The following ADGRL4 variants were observed in gnomAD, a reference collection of about 807,000 sequenced individuals.
The protein encoded by ADGRL4 is EGF, latrophilin and seven transmembrane domain containing 1.
Under a neutral mutation model 74.8 loss-of-function variants are expected in ADGRL4, and 90 were observed. That is an observed-to-expected ratio of 1.20 (90% confidence interval 1.02 to 1.43). ADGRL4 has a LOEUF of 1.43. ADGRL4 is among the 40% of genes most tolerant of loss of function. ADGRL4 has a pLI of 0.00. For synonymous variants in ADGRL4, 311 were observed against 279.2 expected, an observed-to-expected ratio of 1.11 and a Z score of -1.14; for missense variants, 881 against 814.3, an observed-to-expected ratio of 1.08 and a Z score of -1.00.
At chr1:78,906,287 AG>A (rs369392534) in intron 12 of ADGRL4, among the ~76,000 whole-genome samples, 30 of 152,164 alleles carry the variant, frequency 2.0e-4, no homozygotes, top group African/African-American at 7.2e-4. Flanking sequence ...TAATCATTTT[AG>A]GCATTAAAAT....
intron 2 of ADGRL4, among the ~76,000 whole-genome samples, chr1:78,949,424 A>G (rs1557509309): frequency 6.6e-6 from 1 of 152,260 alleles, no homozygotes; most frequent in East Asian, 1.9e-4. Flanking sequence ...ATATTTCCTT[A>G]TCTATCTCCC....
intron 2 of ADGRL4, among the ~76,000 whole-genome samples, chr1:78,951,007 C>CA (rs1293864307): frequency 6.6e-6 from 1 of 152,138 alleles, no homozygotes; most frequent in African/African-American, 2.4e-5. Flanking sequence ...ATTGTCTATT[C>CA]ATGAGAGAAA....
intron 2 of ADGRL4, among the ~76,000 whole-genome samples, chr1:78,951,799 A>T (rs1649728484): frequency 6.6e-6 from 1 of 152,200 alleles, no homozygotes; most frequent in Non-Finnish European, 1.5e-5. Context: ...GACTCCAAAG[A>T]CAAAGTTATT....
intron 12 of ADGRL4, among the ~76,000 whole-genome samples, chr1:78,910,681 T>C (rs1648744845): frequency 6.6e-6 from 1 of 151,780 alleles, no homozygotes; most frequent in Admixed American, 6.6e-5. Flanking sequence ...AGATTAAAAA[T>C]ATTGAATGAA....
intron 2 of ADGRL4, among the ~76,000 whole-genome samples, chr1:78,970,713 G>A (rs1354743209): frequency 1.3e-5 from 2 of 151,996 alleles, no homozygotes; most frequent in Non-Finnish European, 2.9e-5. Context: ...TGAACCCCTG[G>A]GACTCCATTG....
intron 2 of ADGRL4, among the ~76,000 whole-genome samples, chr1:78,994,360 G>A (rs12029674): frequency 0.44 from 66,885 of 151,880 alleles, 14,796 homozygotes; most frequent in East Asian, 0.59. Context: ...ATTCTTGCAA[G>A]CAGAAATACC....
At position 79,006,634 on chromosome 1, in the gene ADGRL4, T is replaced by C. The variant is rs1650968436; in HGVS notation, c.21A>G (p.Leu7=). ...CGACCAGGGGCGCTGAGCACTCACCTAGGAGCGGGAGGCGTTTCATTGGCG... is the reference window on the plus strand; with the variant it reads ...CGACCAGGGGCGCTGAGCACTCACCCAGGAGCGGGAGGCGTTTCATTGGCG... MKRLPL[L]VVFSTLLNCS... The change falls in exon 1 of 15, where the codon CTA becomes CTG. Residue 7 remains leucine, a splice_region_variant and synonymous_variant. Coordinates refer to ENST00000370742, the MANE Select transcript of ADGRL4 (RefSeq NM_022159.4). 6.6e-7 allele frequency: 1 copy of C among 1,525,254 alleles called. No individual in the cohort carries two copies. Among genetic ancestry groups the C allele is most frequent in the South Asian group, 1.2e-5 (1 of 81,684 alleles). 94.5% of individuals were successfully genotyped at this position (1,525,254 alleles called of 1,614,324 possible).
At position 78,918,063 on chromosome 1, in the gene ADGRL4, G is replaced by GAAA; in HGVS notation, c.1462-16_1462-14dup. On this transcript the variant is annotated splice_polypyrimidine_tract_variant and intron_variant, in intron 10 of 14. Transcript: ENST00000370742. ...TTGAACAGAAGAGCTAGAAATCAAAGAAAAAAAAAAAAACATTGTCAGTGT... is the reference window on the plus strand; with the variant it reads ...TTGAACAGAAGAGCTAGAAATCAAAGAAAAAAAAAAAAAAAACATTGTCAGTGT... 3.3e-5 allele frequency: 39 copies of GAAA among 1,175,578 alleles called. No individual in the cohort carries two copies. Among genetic ancestry groups the GAAA allele is most frequent in the Middle Eastern group, 2.3e-4 (1 of 4,424 alleles). 72.8% of individuals were successfully genotyped at this position (1,175,578 alleles called of 1,614,324 possible). A position where few individuals can be genotyped will look rare whatever the true frequency, so the allele number is the denominator to read the frequency against.
intron 3 of ADGRL4, among the ~76,000 whole-genome samples, chr1:78,942,763 T>C (rs1251697616): frequency 6.6e-6 from 1 of 152,028 alleles, no homozygotes. Context: ...AACCTGTCTC[T>C]ACTAAAAAAA....
chr1:78,990,272 A>G (rs1465055393), intron 2 of ADGRL4, among the ~76,000 whole-genome samples: 1 of 151,892 alleles, frequency 6.6e-6, no homozygotes, highest in African/African-American at 2.4e-5. Context: ...TCATATTTCT[A>G]TCCAATTTTA....
chr1:79,005,064 G>T lies in ADGRL4; in HGVS notation c.172+6C>A. On this transcript the variant is annotated splice_donor_region_variant and intron_variant, in intron 2 of 14. Coordinates refer to ENST00000370742, the MANE Select transcript of ADGRL4 (RefSeq NM_022159.4). ...TAATCCAAAAGAAGTAACAAAGCTT[G>T]TTTACCTTCACAAATTGTGACACCA... 1 of 1,610,624 alleles carries T rather than the reference G, an allele frequency of 6.2e-7. No homozygotes were observed. The highest frequency in any genetic ancestry group is 8.5e-7 in the Non-Finnish European group (1 of 1,178,558).
At chr1:78,942,857 G>A (rs1404162113) in intron 3 of ADGRL4, among the ~76,000 whole-genome samples, 3 of 152,048 alleles carry the variant, frequency 2.0e-5, no homozygotes, top group Non-Finnish European at 2.9e-5. Flanking sequence ...TTGAGCCCAG[G>A]AGTTCCAGGC....
Position 78,930,730 on chromosome 1 carries a change from C to T in ADGRL4, c.878-3639G>A, listed in dbSNP as rs1320555897. On this transcript the variant is annotated intron_variant, in intron 7 of 14. Coordinates refer to ENST00000370742, the MANE Select transcript of ADGRL4 (RefSeq NM_022159.4). ...TCACAAAGTGTTGGGATTACAGGCG[C>T]GAGCCACCGTGCTTGGTCTGGAAAA... Among the ~76,000 whole-genome samples the T allele has an allele frequency of 3.3e-5, 5 of 151,012 alleles. No homozygotes were observed. The East Asian group carries it at 5.9e-4, about 18-fold the overall frequency.
intron 2 of ADGRL4, among the ~76,000 whole-genome samples, chr1:78,982,622 TA>T (rs1650417646): frequency 6.6e-6 from 1 of 151,916 alleles, no homozygotes; most frequent in Admixed American, 6.6e-5. Context: ...ATATGAGGAC[TA>T]GATAATCTCA....
At chr1:78,973,115 G>A (rs1650205061) in intron 2 of ADGRL4, among the ~76,000 whole-genome samples, 1 of 151,978 alleles carries the variant, frequency 6.6e-6, no homozygotes, top group Non-Finnish European at 1.5e-5. Flanking sequence ...TTTTTCCTTA[G>A]GAACTAGTTT....
chr1:78,938,004 G>T lies in ADGRL4; in HGVS notation c.577-14C>A, dbSNP rs1465261035. ...TTTTACAAATTCCTATTGAAAAAAA[G>T]TATGTCTTTTAGAAATGTTGGAATC... On this transcript the variant is annotated splice_polypyrimidine_tract_variant and intron_variant, in intron 5 of 14. Coordinates refer to ENST00000370742, the MANE Select transcript of ADGRL4 (RefSeq NM_022159.4). 1 of 1,607,392 alleles carries T rather than the reference G, an allele frequency of 6.2e-7. No individual in the cohort carries two copies. The highest frequency in any genetic ancestry group is 2.2e-5 in the East Asian group (1 of 44,738).
At chr1:78,898,031 C>A (rs377646280) in intron 12 of ADGRL4, among the ~76,000 whole-genome samples, 5 of 151,414 alleles carry the variant, frequency 3.3e-5, no homozygotes, top group African/African-American at 9.7e-5. Flanking sequence ...AAAGTTTACA[C>A]GGTATGGAAA....
intron 12 of ADGRL4, among the ~76,000 whole-genome samples, chr1:78,916,827 A>G (rs1334744045): frequency 6.6e-6 from 1 of 151,806 alleles, no homozygotes; most frequent in Non-Finnish European, 1.5e-5. Context: ...AATTCATTCC[A>G]CTCTAGAGTT....
chr1:78,982,067 C>T (rs367620004), intron 2 of ADGRL4, among the ~76,000 whole-genome samples: 3 of 151,828 alleles, frequency 2.0e-5, no homozygotes, highest in Non-Finnish European at 1.5e-5. Flanking sequence ...ATTTTGCATT[C>T]ATATGCTTTA....
Sources: gnomAD v4.1 joint callset for allele counts (sites outside exome capture counted in the v4.1 genomes callset) on GRCh38, gnomAD v4.1.1 for gene constraint, MANE v1.5 for transcripts, NCBI Gene and HGNC (gene_info 2026-07-23, HGNC 2026-07-21) for gene names.